The following MNAT1 variants were observed in gnomAD, a reference collection of about 807,000 sequenced individuals.
MNAT1 encodes the protein MNAT1 component of CDK activating kinase.
Under a neutral mutation model 42.0 loss-of-function variants are expected in MNAT1, and 43 were observed. That is an observed-to-expected ratio of 1.02 (90% CI 0.80 to 1.32). MNAT1 has a LOEUF of 1.32. Among genes scored for constraint, MNAT1 ranks in the 40% most tolerant of loss-of-function variants. MNAT1 has a pLI of 0.00. For missense variants in MNAT1, 306 were observed against 350.4 expected (o/e 0.87, Z 1.01); for synonymous variants, 118 against 120.0 (o/e 0.98, Z 0.11).
chr14:60,897,802 G>A (rs2034989264), intron 7 of MNAT1, among the ~76,000 whole-genome samples: 2 of 152,068 alleles, frequency 1.3e-5, no homozygotes. Flanking sequence ...GTTGCTAACT[G>A]TAGTCACCCT....
At chr14:60,860,528 GT>G (rs1292650963) in intron 6 of MNAT1, among the ~76,000 whole-genome samples, 2 of 151,290 alleles carry the variant, frequency 1.3e-5, no homozygotes, top group African/African-American at 4.9e-5. Context: ...AATTTTTTGT[GT>G]TTTTTAGTAG....
chr14:60,840,047 ATCCTGC>A (rs2033503470), intron 6 of MNAT1, among the ~76,000 whole-genome samples: 1 of 152,380 alleles, frequency 6.6e-6, no homozygotes, highest in East Asian at 1.9e-4. Context: ...GAAAAGCGGC[ATCCTGC>A]GGATCCCTAG....
At chr14:60,735,003 G>C in intron 1 of MNAT1, 52 bp downstream of exon 1, 1 of 1,560,516 alleles carries the variant, frequency 6.4e-7, no homozygotes, top group Non-Finnish European at 8.8e-7. Context: ...TGGGTGGGAG[G>C]AGAGGACCGG....
intron 1 of MNAT1, among the ~76,000 whole-genome samples, chr14:60,778,595 C>T (rs1594746634): frequency 2.0e-5 from 3 of 152,312 alleles, no homozygotes; most frequent in South Asian, 2.1e-4. Context: ...TCCACTAATA[C>T]GGGATCTTGA....
At chr14:60,872,055 A>G (rs1270938694) in intron 6 of MNAT1, among the ~76,000 whole-genome samples, 2 of 152,098 alleles carry the variant, frequency 1.3e-5, no homozygotes, top group Non-Finnish European at 2.9e-5. Flanking sequence ...TTGCATTGCT[A>G]TGAAGGAATA....
At chr14:60,956,022 A>T (rs2036481779) in intron 7 of MNAT1, among the ~76,000 whole-genome samples, 1 of 151,304 alleles carries the variant, frequency 6.6e-6, no homozygotes, top group Non-Finnish European at 1.5e-5. Context: ...TTCTACTCTG[A>T]TCTTTATTTC....
intron 6 of MNAT1, among the ~76,000 whole-genome samples, chr14:60,830,464 G>A (rs1043613039): frequency 6.6e-6 from 1 of 152,024 alleles, no homozygotes; most frequent in Non-Finnish European, 1.5e-5. Flanking sequence ...TCTTTTTTTG[G>A]TGATTGTTTT....
chr14:60,911,403 T>G (rs1197135404), intron 7 of MNAT1, among the ~76,000 whole-genome samples: 1 of 152,208 alleles, frequency 6.6e-6, no homozygotes, highest in East Asian at 1.9e-4. Flanking sequence ...CTAGTTCTTT[T>G]AATTCTGTTG....
intron 6 of MNAT1, among the ~76,000 whole-genome samples, chr14:60,853,918 C>T (rs2033893022): frequency 1.3e-5 from 2 of 152,146 alleles, no homozygotes; most frequent in African/African-American, 4.8e-5. Context: ...GGTGGATAAG[C>T]TTTTGGATGT....
At chr14:60,762,705 CAAAAAAA>C (rs33957783) in intron 1 of MNAT1, among the ~76,000 whole-genome samples, 247 of 94,792 alleles carry the variant, frequency 2.6e-3, no homozygotes, top group African/African-American at 0.01. Context: ...GACTCTGTCT[CAAAAAAA>C]AAAAAAAAAA....
rs2035969497 is a variant in MNAT1 at position 60,935,263 on chromosome 14, C to G, written c.810-32966C>G. On this transcript the variant is annotated intron_variant, in intron 7 of 7. Transcript: ENST00000261245. ...ATTGTCACCTTCCCCACCTCTCTCC[C>G]CCTCTCTTTTTTTTCTTTCTTCCTC... is the stretch of plus-strand genomic sequence containing the variant. 1.3e-5 allele frequency among the ~76,000 whole-genome samples: 2 copies of G among 151,760 alleles called. 1 individual carries two copies. Among genetic ancestry groups the G allele is most frequent in the South Asian group, 4.2e-4 (2 of 4,778 alleles).
intron 6 of MNAT1, among the ~76,000 whole-genome samples, chr14:60,876,065 C>T (rs1002968600): frequency 6.6e-6 from 1 of 152,010 alleles, no homozygotes; most frequent in East Asian, 1.9e-4. Context: ...CAATGCTGGA[C>T]ATTTTTTATC....
chr14:60,859,368 A>G (rs2034041166), intron 6 of MNAT1, among the ~76,000 whole-genome samples: 1 of 152,156 alleles, frequency 6.6e-6, no homozygotes, highest in African/African-American at 2.4e-5. Context: ...CATGAATTTC[A>G]TTATTTATAG....
At chr14:60,874,960 G>C (rs1217595742) in intron 6 of MNAT1, among the ~76,000 whole-genome samples, 2 of 152,074 alleles carry the variant, frequency 1.3e-5, no homozygotes, top group Non-Finnish European at 2.9e-5. Context: ...CCCAGCTTTA[G>C]GCTTGAGAAC....
At chr14:60,773,029 C>T (rs1242576645) in intron 1 of MNAT1, among the ~76,000 whole-genome samples, 2 of 151,514 alleles carry the variant, frequency 1.3e-5, no homozygotes, top group Non-Finnish European at 2.9e-5. Context: ...CCTCTGACTC[C>T]CTGGTTCAAG....
chr14:60,885,504 T>C (rs1278235224), intron 7 of MNAT1, among the ~76,000 whole-genome samples: 3 of 152,040 alleles, frequency 2.0e-5, no homozygotes, highest in South Asian at 2.1e-4. Flanking sequence ...TTCTTGATGA[T>C]TAGTGATGTT....
intron 6 of MNAT1, among the ~76,000 whole-genome samples, chr14:60,828,055 A>G (rs2033104365): frequency 6.6e-6 from 1 of 152,204 alleles, no homozygotes; most frequent in African/African-American, 2.4e-5. Flanking sequence ...TGAAATGAAT[A>G]GCTTCATGAT....
chr14:60,910,876 T>C (rs534375048), intron 7 of MNAT1, among the ~76,000 whole-genome samples: 75 of 152,328 alleles, frequency 4.9e-4, no homozygotes, highest in African/African-American at 1.8e-3. Context: ...TTTCTATTGA[T>C]TGGAATAGTT....
chr14:60,810,307 GTTC>G (rs1324986301), intron 4 of MNAT1, among the ~76,000 whole-genome samples: 1 of 151,744 alleles, frequency 6.6e-6, no homozygotes, highest in Non-Finnish European at 1.5e-5. Context: ...AATTTTTTCT[GTTC>G]TTTTTCTGTT....
Sources: allele counts gnomAD v4.1 joint callset (sites outside exome capture counted in the v4.1 genomes callset), GRCh38; gene constraint gnomAD v4.1.1; transcripts MANE v1.5; gene names NCBI Gene and HGNC (gene_info 2026-07-23, HGNC 2026-07-21).